The following SETDB1 variants were observed in gnomAD, a reference collection of about 807,000 sequenced individuals.
SETDB1 encodes histone-lysine N-methyltransferase SETDB1.
SETDB1 carries 31 observed loss-of-function variants against 137.4 expected under a neutral mutation model. The observed-to-expected ratio is 0.23, with a 90% CI of 0.17 to 0.30. SETDB1 has a LOEUF of 0.30. SETDB1 is among the 10% of genes least tolerant of loss of function. SETDB1 has a pLI of 1.00. For synonymous variants in SETDB1, 548 were observed against 579.9 expected (o/e 0.95, Z 0.79); for missense variants, 1,113 against 1,631.5 (o/e 0.68, Z 5.47).
Position 150,949,144 on chromosome 1 carries a change from T to A in SETDB1, c.1290T>A (p.Pro430=). ...PNMGAVRSKG[P]VVQYTQDLTG... ...TAGGTGCTGTGAGGAGCAAAGGCCC[T>A]GTTGTCCAGTACACACAGGATCTGA... The change falls in exon 11 of 22, where the codon CCT becomes CCA. Residue 430 remains proline, a synonymous_variant. Transcript: ENST00000692827. The A allele has an allele frequency of 6.2e-7, 1 of 1,614,084 alleles. No individual in the cohort carries two copies. The highest frequency in any genetic ancestry group is 8.5e-7 in the Non-Finnish European group (1 of 1,179,992).
chr1:150,956,091 C>CAGAAAA (rs1553241724), intron 14 of SETDB1, among the ~76,000 whole-genome samples: 1 of 101,216 alleles, frequency 9.9e-6, no homozygotes, highest in Non-Finnish European at 1.9e-5. Flanking sequence ...GACTTCGTCT[C>CAGAAAA]AAAAAAAAAA....
rs71090112 is a variant in SETDB1, at chr1:150,933,368, C to CTTTTTTTTTTTTT, written c.412+3255_412+3267dup. ...AGCTACCATGCCTGGCCTATTTTGTCTTTTTTTTTTTTTTTTTGAGACAGT... is the reference window on the plus strand; with the variant it reads ...AGCTACCATGCCTGGCCTATTTTGTCTTTTTTTTTTTTTTTTTTTTTTTTTTTTTTGAGACAGT... On this transcript the variant is annotated intron_variant, in intron 3 of 21. Transcript: ENST00000692827. Among the ~76,000 whole-genome samples the CTTTTTTTTTTTTT allele has an allele frequency of 2.8e-4, 33 of 118,850 alleles. 1 individual carries two copies. Among genetic ancestry groups the CTTTTTTTTTTTTT allele is most frequent in the Non-Finnish European group, 3.0e-4 (18 of 59,094 alleles). 78.0% of individuals were successfully genotyped at this position (118,850 alleles called of 152,430 possible).
chr1:150,945,304 C>G (rs1304356803), intron 9 of SETDB1, 196 bp downstream of exon 9: 1 of 1,440,928 alleles, frequency 6.9e-7, no homozygotes, highest in African/African-American at 1.4e-5. Flanking sequence ...AATAAATTAT[C>G]TGAATTATAA....
At chr1:150,944,815 C>T (rs1670274121) in intron 8 of SETDB1, 103 bp from the exon 9 acceptor site, 1 of 1,333,222 alleles carries the variant, frequency 7.5e-7, no homozygotes, top group Non-Finnish European at 1.0e-6. Context: ...TACTTTTTCT[C>T]TCCTTTTCAA....
rs151005709 is a variant in SETDB1 at position 150,950,554 on chromosome 1, A to T, written c.1680A>T (p.Pro560=). The stretch of plus-strand genomic sequence containing the variant: ...TCCATGGCATGCTGGAGCGGGCCCC[A>T]GCAGAGCCCTCCTACCGTGCTCCCA... ...PVFHGMLERA[P]AEPSYRAPME... is the part of the protein sequence containing the mutation. Residue 560 remains proline (P), a synonymous_variant, in exon 13 of 22, where the codon CCA becomes CCT. Transcript: ENST00000692827. 21 of 1,614,092 alleles carry T rather than the reference A, an allele frequency of 1.3e-5. No homozygotes were observed. In the African/African-American group the frequency reaches 2.4e-4, roughly 18 times the overall value.
chr1:150,946,428 CATACTTTATT>C (rs1670330538), intron 9 of SETDB1, among the ~76,000 whole-genome samples: 1 of 151,800 alleles, frequency 6.6e-6, no homozygotes, highest in Admixed American at 6.6e-5. Context: ...GATCCTGGCA[CATACTTTATT>C]AAGTAGATAA....
chr1:150,955,500 T>C (rs1442412877), intron 14 of SETDB1, among the ~76,000 whole-genome samples: 1 of 152,198 alleles, frequency 6.6e-6, no homozygotes, highest in Non-Finnish European at 1.5e-5. Flanking sequence ...TGTGCCTTCT[T>C]CTTGGCATCC....
chr1:150,927,602 A>C (rs1473719237), intron 1 of SETDB1, 102 bp from the exon 2 acceptor site: 6 of 992,920 alleles, frequency 6.0e-6, no homozygotes, highest in Non-Finnish European at 9.1e-6. Context: ...ATAGAATAAC[A>C]GGCAGCAGAG....
intron 3 of SETDB1, among the ~76,000 whole-genome samples, chr1:150,936,068 G>C (rs1415539297): frequency 6.6e-6 from 1 of 152,142 alleles, no homozygotes; most frequent in Non-Finnish European, 1.5e-5. Context: ...CTCACTGCAA[G>C]CTCCACTTCC....
At chr1:150,953,645 A>G (rs1268728500) in intron 14 of SETDB1, among the ~76,000 whole-genome samples, 1 of 152,234 alleles carries the variant, frequency 6.6e-6, no homozygotes, top group East Asian at 1.9e-4. Context: ...CCTGGCCAAC[A>G]TGGTGAAACC....
At chr1:150,942,088 C>T (rs1031391848) in intron 5 of SETDB1, among the ~76,000 whole-genome samples, 1 of 148,004 alleles carries the variant, frequency 6.8e-6, no homozygotes, top group Non-Finnish European at 1.5e-5. Context: ...TGCAGTGAGC[C>T]GAGATCATGC....
rs1460393899 is a variant in SETDB1, at chr1:150,963,059, C to T, written c.3380C>T (p.Thr1127Ile). 1 of 1,614,176 alleles carries T rather than the reference C, an allele frequency of 6.2e-7. No homozygotes were observed. Among genetic ancestry groups the T allele is most frequent in the Admixed American group, 1.7e-5 (1 of 60,020 alleles). The change falls in exon 19 of 22, where the codon ACA becomes ATA. Residue 1127 changes from threonine (T) to isoleucine (I), a missense_variant. Thr to Ile is a moderately conservative substitution (Grantham distance 89). Around this residue, in one of 11 missense-constraint regions of SETDB1, gnomAD observed 373 missense variants for 412.7 expected, o/e 0.90. Transcript: ENST00000692827. ...CCCACTGCTGGTCAGACTTCGGCTA[C>T]AGCGGTTGACAGTGATGATATCCAG... ...RKPTAGQTSA[T>I]AVDSDDIQTI...
In SETDB1 at chr1:150,961,132, G is replaced by A; in HGVS notation, c.3073G>A (p.Ala1025Thr). 2 of 1,614,072 alleles carry A rather than the reference G, an allele frequency of 1.2e-6. No homozygotes were observed. Among genetic ancestry groups the A allele is most frequent in the African/African-American group, 2.7e-5 (2 of 75,034 alleles). The part of the protein sequence containing the change: ...AGGSRMEAEK[A>T]STSGLGIKDE... ...GGGAAGCCGAATGGAGGCTGAGAAG[G>A]CCTCCACCTCAGGACTAGGCATCAA... The change falls in exon 16 of 22, where the codon GCC becomes ACC. Residue 1025 changes from alanine to threonine, a missense_variant. Physicochemically the swap from Ala to Thr is moderately conservative, Grantham distance 58. Transcript: ENST00000692827.
At position 150,961,107 on chromosome 1, in the gene SETDB1, G is replaced by A. The variant is rs1419988350; in HGVS notation, c.3048G>A (p.Gly1016=). Residue 1016 remains glycine, a synonymous_variant, in exon 16 of 22, where the codon GGG becomes GGA. Coordinates refer to ENST00000692827, the MANE Select transcript of SETDB1 (RefSeq NM_001366418.1). The part of the protein sequence containing the change: ...KTNEGGEGRA[G]GSRMEAEKAS... ...ATGAAGGTGGGGAGGGCCGGGCTGG[G>A]GGAAGCCGAATGGAGGCTGAGAAGG... is the stretch of plus-strand genomic sequence containing the variant. 1 of 1,614,044 alleles carries A rather than the reference G, an allele frequency of 6.2e-7. No individual in the cohort carries two copies. The highest frequency in any genetic ancestry group is 1.1e-5 in the South Asian group (1 of 91,064).
Position 150,960,843 on chromosome 1 carries a change from C to G in SETDB1, c.2784C>G (p.Thr928=), listed in dbSNP as rs1251066282. 5 of 1,604,412 alleles carry G rather than the reference C, an allele frequency of 3.1e-6. No homozygotes were observed. Among genetic ancestry groups the G allele is most frequent in the Non-Finnish European group, 4.3e-6 (5 of 1,175,194 alleles). ...STSSVWRSYA[T]RRQTRGQKEN... ...GTTCAGTGTGGCGGAGCTATGCTACCCGGAGGCAGACCCGGGGCCAGAAAG... is the reference window on the plus strand; with the variant it reads ...GTTCAGTGTGGCGGAGCTATGCTACGCGGAGGCAGACCCGGGGCCAGAAAG... The change falls in exon 16 of 22, where the codon ACC becomes ACG. Residue 928 remains threonine, a synonymous_variant. Coordinates refer to ENST00000692827, the MANE Select transcript of SETDB1 (RefSeq NM_001366418.1).
chr1:150,928,202 C>T lies in SETDB1; in HGVS notation c.260+228C>T. On this transcript the variant is annotated intron_variant, in intron 2 of 21. Transcript: ENST00000692827. ...CCTCCCGAGTAGCTGGAATTATAGG[C>T]ATCCGCCACCACACCCAGCTAATTT... is the stretch of plus-strand genomic sequence containing the variant. 3 of 523,656 alleles carry T rather than the reference C, an allele frequency of 5.7e-6. No individual in the cohort carries two copies. The South Asian group carries it at 6.9e-5, about 12-fold the overall frequency. 32.4% of individuals were successfully genotyped at this position (523,656 alleles called of 1,614,324 possible).
chr1:150,929,618 G>A (rs1393593011), intron 2 of SETDB1, among the ~76,000 whole-genome samples: 1 of 152,010 alleles, frequency 6.6e-6, no homozygotes, highest in Non-Finnish European at 1.5e-5. Context: ...CTGACCTCAA[G>A]TGATCTACCT....
At chr1:150,950,200 C>T (rs948497435) in intron 12 of SETDB1, among the ~76,000 whole-genome samples, 1 of 146,064 alleles carries the variant, frequency 6.8e-6, no homozygotes, top group Non-Finnish European at 1.5e-5. Flanking sequence ...TGCCATTGTA[C>T]TCCAGCCTAG....
At chr1:150,957,282 C>T (rs777393868) in intron 14 of SETDB1, among the ~76,000 whole-genome samples, 7 of 152,106 alleles carry the variant, frequency 4.6e-5, no homozygotes, top group Admixed American at 6.6e-5. Flanking sequence ...GCAGGAGAAT[C>T]GCTTGAACCC....
Sources: gnomAD v4.1 joint callset for allele counts (sites outside exome capture counted in the v4.1 genomes callset) on GRCh38, gnomAD v4.1.1 for gene constraint, gnomAD v4.1.1 regional missense constraint, MANE v1.5 for transcripts, NCBI Gene and HGNC (gene_info 2026-07-23, HGNC 2026-07-21) for gene names.